The following ADAMTS16 variants were observed in gnomAD, a reference collection of about 807,000 sequenced individuals.
ADAMTS16 encodes the protein A disintegrin and metalloproteinase with thrombospondin motifs 16.
In ADAMTS16, 94 loss-of-function variants were observed where a neutral mutation model predicts 145.8. That is an observed-to-expected ratio of 0.64 (90% confidence interval 0.55 to 0.77). ADAMTS16 has a LOEUF of 0.77. Ranked by LOEUF, ADAMTS16 falls within the 30% of genes least tolerant of loss-of-function variation. The probability of loss-of-function intolerance (pLI) is 0.00; values close to 1 mark genes in which losing one functional copy is unlikely to be tolerated. For synonymous variants in ADAMTS16, 659 were observed against 604.3 expected, an observed-to-expected ratio of 1.09 and a Z score of -1.33; for missense variants, 1,585 against 1,591.5, an observed-to-expected ratio of 1.00 and a Z score of 0.07.
intron 18 of ADAMTS16, among the ~76,000 whole-genome samples, chr5:5,268,720 A>G (rs1490674242): frequency 1.3e-5 from 2 of 152,140 alleles, no homozygotes; most frequent in Non-Finnish European, 2.9e-5. Flanking sequence ...GGTCTGGCCC[A>G]TGGGATGTGA....
At chr5:5,252,951 T>C (rs1737673607) in intron 17 of ADAMTS16, among the ~76,000 whole-genome samples, 1 of 152,194 alleles carries the variant, frequency 6.6e-6, no homozygotes. Flanking sequence ...TTATCCACAT[T>C]TCTTATCATC....
chr5:5,183,416 C>T (rs1735397674), intron 4 of ADAMTS16, among the ~76,000 whole-genome samples: 1 of 152,216 alleles, frequency 6.6e-6, no homozygotes, highest in Admixed American at 6.5e-5. Context: ...TCCCCAAGGT[C>T]AGAGTCAGGA....
intron 10 of ADAMTS16, among the ~76,000 whole-genome samples, chr5:5,216,304 C>T (rs568674863): frequency 2.6e-5 from 4 of 151,950 alleles, no homozygotes; most frequent in East Asian, 1.9e-4. Flanking sequence ...TGATGTTGAG[C>T]AGTTTTTCAT....
chr5:5,156,013 G>C (rs1339421264), intron 3 of ADAMTS16, among the ~76,000 whole-genome samples: 1 of 152,192 alleles, frequency 6.6e-6, no homozygotes, highest in Non-Finnish European at 1.5e-5. Context: ...AAGTCCACAA[G>C]GAACAGACAG....
chr5:5,239,862 G>A lies in ADAMTS16; in HGVS notation c.2460G>A (p.Arg820=). The change falls in exon 16 of 23, where the codon CGG becomes CGA. Residue 820 remains arginine (R), a synonymous_variant. Coordinates refer to ENST00000274181, the MANE Select transcript of ADAMTS16 (RefSeq NM_139056.4). ...KFSGTTFDYR[R]SYNEPENLIA... is the part of the protein sequence containing the mutation. ...CGGGCACTACTTTCGACTACAGACG[G>A]TCCTATAATGAGCCCGAGAACTTAA... 1 of 1,614,094 alleles carries A rather than the reference G, an allele frequency of 6.2e-7. No individual in the cohort carries two copies.
chr5:5,264,505 G>A (rs779800048), intron 18 of ADAMTS16, among the ~76,000 whole-genome samples: 4 of 152,134 alleles, frequency 2.6e-5, no homozygotes, highest in South Asian at 2.1e-4. Context: ...TACTCTCCCC[G>A]AGGCAATAAA....
chr5:5,199,122 G>T (rs1273415832), intron 8 of ADAMTS16, among the ~76,000 whole-genome samples: 1 of 152,172 alleles, frequency 6.6e-6, no homozygotes, highest in Admixed American at 6.5e-5. Flanking sequence ...AGTTGAAAAT[G>T]GGATCATTGA....
intron 17 of ADAMTS16, among the ~76,000 whole-genome samples, chr5:5,246,823 A>G (rs1351548763): frequency 2.0e-5 from 3 of 152,232 alleles, no homozygotes; most frequent in Non-Finnish European, 2.9e-5. Context: ...GTATAAGGAC[A>G]GATGGTATAT....
intron 4 of ADAMTS16, among the ~76,000 whole-genome samples, chr5:5,182,797 A>C (rs2126561436): frequency 6.6e-6 from 1 of 152,252 alleles, no homozygotes; most frequent in East Asian, 1.9e-4. Context: ...TTTTGTCATG[A>C]ACATTTAGGA....
At chr5:5,247,345 A>G (rs964803037) in intron 17 of ADAMTS16, among the ~76,000 whole-genome samples, 2 of 151,838 alleles carry the variant, frequency 1.3e-5, no homozygotes, top group African/African-American at 4.8e-5. Flanking sequence ...ATTACAAAAT[A>G]TATTACCCCC....
chr5:5,277,157 A>T (rs1404790860), intron 18 of ADAMTS16, among the ~76,000 whole-genome samples: 1 of 152,218 alleles, frequency 6.6e-6, no homozygotes, highest in Non-Finnish European at 1.5e-5. Context: ...GCTGTCTCCC[A>T]GCATGAGGTT....
At chr5:5,241,017 G>C (rs564436477) in intron 16 of ADAMTS16, among the ~76,000 whole-genome samples, 2 of 152,154 alleles carry the variant, frequency 1.3e-5, no homozygotes, top group East Asian at 3.9e-4. Context: ...CAGAATGTCA[G>C]GGCTGGAGAG....
At chr5:5,209,013 G>A (rs111811161) in intron 9 of ADAMTS16, 80 bp from the exon 10 acceptor site, 15,558 of 1,463,714 alleles carry the variant, frequency 0.011, 169 homozygotes, top group Middle Eastern at 0.033. Flanking sequence ...AATTACATGG[G>A]GGAGAAAGGC....
intron 18 of ADAMTS16, among the ~76,000 whole-genome samples, chr5:5,282,016 T>C (rs1403929605): frequency 1.1e-5 from 1 of 91,646 alleles, no homozygotes; most frequent in East Asian, 3.3e-4. Context: ...TGATAATGCA[T>C]TGGTTTGCTC....
intron 18 of ADAMTS16, among the ~76,000 whole-genome samples, chr5:5,274,328 A>G (rs1579367440): frequency 6.6e-6 from 1 of 152,262 alleles, no homozygotes; most frequent in Middle Eastern, 3.4e-3. Flanking sequence ...GGGGAGCTTC[A>G]CTGCCCTGCA....
chr5:5,319,009 C>T lies in ADAMTS16; in HGVS notation c.3560-14C>T. 6.3e-7 allele frequency: 1 copy of T among 1,591,044 alleles called. No homozygotes were observed. Among genetic ancestry groups the T allele is most frequent in the Non-Finnish European group, 8.6e-7 (1 of 1,162,412 alleles). Reference sequence around the variant, plus strand: ...CTCGGGATCGCTGAGTAATGCAGCTCTGCTCATTTTCAGATGCCTTCTGCA... The same window carrying T: ...CTCGGGATCGCTGAGTAATGCAGCTTTGCTCATTTTCAGATGCCTTCTGCA... On this transcript the variant is annotated splice_polypyrimidine_tract_variant and intron_variant, in intron 22 of 22. Coordinates refer to ENST00000274181, the MANE Select transcript of ADAMTS16 (RefSeq NM_139056.4).
At chr5:5,172,943 T>C (rs1735085616) in intron 3 of ADAMTS16, among the ~76,000 whole-genome samples, 1 of 152,198 alleles carries the variant, frequency 6.6e-6, no homozygotes, top group South Asian at 2.1e-4. Context: ...TTGTATCCTC[T>C]TGTTGAACTG....
rs113675807 is a variant in ADAMTS16 at position 5,305,541 on chromosome 5, T to TACACACACACACAC, written c.3187-956_3187-943dup. 3.5e-5 allele frequency among the ~76,000 whole-genome samples: 4 copies of TACACACACACACAC among 115,600 alleles called. No individual in the cohort carries two copies. The South Asian group carries it at 1.2e-3, about 35-fold the overall frequency. The allele number at this position is 115,600 out of a possible 152,430, so 75.8% of individuals were successfully genotyped here. On this transcript the variant is annotated intron_variant, in intron 20 of 22. Coordinates refer to ENST00000274181, the MANE Select transcript of ADAMTS16 (RefSeq NM_139056.4). ...CCACACACTCACACATCCCACACCA[T>TACACACACACACAC]ACACACACACACACACACACGTCAG...
Position 5,140,693 on chromosome 5 carries a change from G to A in ADAMTS16, c.102G>A (p.Ala34=). ...CTGCGTGCGCCATGGGACCCGCAGCGGCAGCGCCTGGGAGCCCGAGCGTCC... is the reference window on the plus strand; with the variant it reads ...CTGCGTGCGCCATGGGACCCGCAGCAGCAGCGCCTGGGAGCCCGAGCGTCC... The part of the protein sequence containing the change: ...QAPACAMGPA[A]AAPGSPSVPR... Residue 34 remains alanine, a synonymous_variant, in exon 2 of 23, where the codon GCG becomes GCA. Coordinates refer to ENST00000274181, the MANE Select transcript of ADAMTS16 (RefSeq NM_139056.4). The A allele has an allele frequency of 6.4e-7, 1 of 1,563,638 alleles. No homozygotes were observed. Among genetic ancestry groups the A allele is most frequent in the Non-Finnish European group, 8.6e-7 (1 of 1,157,076 alleles).
Sources: allele counts gnomAD v4.1 joint callset (sites outside exome capture counted in the v4.1 genomes callset), GRCh38; gene constraint gnomAD v4.1.1; transcripts MANE v1.5; gene names NCBI Gene and HGNC (gene_info 2026-07-23, HGNC 2026-07-21).